CYREN: variants seen among roughly 807,000 people sequenced by gnomAD.
CYREN encodes cell cycle regulator of non-homologous end joining.
Under a neutral mutation model 9.7 loss-of-function variants are expected in CYREN, and 7 were observed. That is an observed-to-expected ratio of 0.72 (90% CI 0.41 to 1.36). The LOEUF is 1.36. CYREN is among the 40% of genes most tolerant of loss of function. The pLI is 0.01. For missense variants in CYREN, 215 were observed against 198.1 expected, an observed-to-expected ratio of 1.09 and a Z score of -0.51; for synonymous variants, 76 against 77.9, an observed-to-expected ratio of 0.98 and a Z score of 0.13.
rs141830547 is a variant in CYREN, at chr7:135,101,104, T to C, written n.357-6522A>G. 56 of 449,874 alleles carry C rather than the reference T, an allele frequency of 1.2e-4. No homozygotes were observed. In the East Asian group the frequency reaches 3.8e-3, roughly 31 times the overall value. 27.9% of individuals were successfully genotyped at this position (449,874 alleles called of 1,614,324 possible). ...TCTCCCAAAGTATGACTCAGAGTCA[T>C]AGCAAAGACCAACACAAACATTTTT... On this transcript the variant is annotated intron_variant and non_coding_transcript_variant, in intron 2 of 2. Coordinates refer to the CYREN transcript ENST00000459937.
chr7:135,097,943 A>G (rs1823161361), intron 2 of CYREN, among the ~76,000 whole-genome samples: 1 of 152,174 alleles, frequency 6.6e-6, no homozygotes, highest in African/African-American at 2.4e-5. Flanking sequence ...AGATTACCTC[A>G]GTGCTTTAAA....
chr7:135,120,035 T>G (rs1487048369), intron 2 of CYREN, among the ~76,000 whole-genome samples: 1 of 151,818 alleles, frequency 6.6e-6, no homozygotes, highest in Non-Finnish European at 1.5e-5. Flanking sequence ...CTATACCCAG[T>G]GAAAATAAGG....
chr7:135,163,342 A>T (rs1323173156), downstream of CYREN, among the ~76,000 whole-genome samples: 1 of 152,180 alleles, frequency 6.6e-6, no homozygotes, highest in African/African-American at 2.4e-5. Flanking sequence ...TTTTATTATT[A>T]TTTTTAAAAT....
intron 2 of CYREN, among the ~76,000 whole-genome samples, chr7:135,156,314 C>T (rs958285924): frequency 2.0e-5 from 3 of 152,182 alleles, no homozygotes; most frequent in Non-Finnish European, 2.9e-5. Flanking sequence ...TTTCTAATCT[C>T]TCTTCCCCCT....
chr7:135,136,919 T>A (rs150357599), intron 2 of CYREN, among the ~76,000 whole-genome samples: 211 of 152,232 alleles, frequency 1.4e-3, no homozygotes, highest in Non-Finnish European at 2.8e-3. Flanking sequence ...AAATATAAGA[T>A]GCTTTACCCA....
At chr7:135,155,419 CTT>C (rs1284032902) in intron 2 of CYREN, among the ~76,000 whole-genome samples, 7 of 152,256 alleles carry the variant, frequency 4.6e-5, no homozygotes, top group African/African-American at 1.7e-4. Flanking sequence ...GCCTTTTTGA[CTT>C]TGTGTTTTGA....
At chr7:135,167,084 C>A (rs1487943446) in intron 3 of CYREN, 15 of 985,034 alleles carry the variant, frequency 1.5e-5, no homozygotes, top group Non-Finnish European at 1.7e-5. Flanking sequence ...AGAACCCACT[C>A]GGGAGAGAAG....
At chr7:135,149,447 G>C (rs1011376854) in intron 2 of CYREN, among the ~76,000 whole-genome samples, 2 of 152,132 alleles carry the variant, frequency 1.3e-5, no homozygotes, top group African/African-American at 4.8e-5. Flanking sequence ...GGACTTTCAA[G>C]CTGCTTCCCA....
intron 2 of CYREN, among the ~76,000 whole-genome samples, chr7:135,100,541 C>A (rs1458282900): frequency 6.6e-6 from 1 of 152,138 alleles, no homozygotes; most frequent in East Asian, 1.9e-4. Context: ...TCCTCTCTTC[C>A]TTCCTGGCTT....
intron 2 of CYREN, among the ~76,000 whole-genome samples, chr7:135,144,092 A>C (rs1452689144): frequency 1.3e-5 from 2 of 152,216 alleles, no homozygotes; most frequent in African/African-American, 4.8e-5. Context: ...AATGAGGCCA[A>C]GAGGTCAGGG....
chr7:135,152,410 T>C (rs913196472), intron 2 of CYREN, among the ~76,000 whole-genome samples: 1 of 152,266 alleles, frequency 6.6e-6, no homozygotes, highest in African/African-American at 2.4e-5. Flanking sequence ...TGATTAACAA[T>C]GCAGCCTGAC....
chr7:135,115,491 T>A, intron 2 of CYREN: 1 of 1,551,378 alleles, frequency 6.4e-7, no homozygotes, highest in Non-Finnish European at 8.7e-7. Flanking sequence ...GATAAAGGAA[T>A]AGTTCAAACT....
intron 2 of CYREN, among the ~76,000 whole-genome samples, chr7:135,097,736 A>C (rs1257762649): frequency 1.3e-5 from 2 of 152,146 alleles, no homozygotes; most frequent in African/African-American, 4.8e-5. Flanking sequence ...AAATGGAAGA[A>C]GATATCCTCC....
intron 2 of CYREN, among the ~76,000 whole-genome samples, chr7:135,158,203 G>C (rs1435844760): frequency 6.6e-6 from 1 of 151,844 alleles, no homozygotes; most frequent in Admixed American, 6.6e-5. Context: ...GGCAGCATGG[G>C]CAAGAAGCTG....
chr7:135,168,866 G>A lies in CYREN; in HGVS notation c.57C>T (p.Ala19=), dbSNP rs372241560. The A allele has an allele frequency of 4.8e-5, 78 of 1,613,980 alleles. No homozygotes were observed. Among genetic ancestry groups the A allele is most frequent in the Non-Finnish European group, 6.6e-5 (78 of 1,179,924 alleles). ...GTGCCACATTCTTTGTAGCCACCTG[G>A]GCTGTCAGCCATGAGGGAAGGACCC... ...KTRVLPSWLT[A]QVATKNVAPM... The change falls in exon 2 of 4, where the codon GCC becomes GCT. Residue 19 remains alanine (A), a synonymous_variant. Transcript: ENST00000393114.
chr7:135,142,275 C>T (rs867366211), intron 2 of CYREN, among the ~76,000 whole-genome samples: 10 of 152,144 alleles, frequency 6.6e-5, no homozygotes, highest in Middle Eastern at 3.2e-3. Context: ...TCAATAAATA[C>T]ATCAAGTACA....
chr7:135,164,788 C>T, downstream of CYREN: 1 of 1,614,210 alleles, frequency 6.2e-7, no homozygotes, highest in Non-Finnish European at 8.5e-7. Flanking sequence ...TGGCGGCTGG[C>T]AGTGGGCTTC....
intron 2 of CYREN, chr7:135,128,501 A>G: frequency 4.0e-6 from 3 of 758,184 alleles, no homozygotes; most frequent in Admixed American, 1.7e-5. Flanking sequence ...AGTATTTACG[A>G]TGGAGATGAA....
intron 2 of CYREN, chr7:135,115,660 T>TA (rs1376243609): frequency 7.2e-7 from 1 of 1,385,476 alleles, no homozygotes; most frequent in Non-Finnish European, 9.7e-7. Flanking sequence ...ACATCTTTTT[T>TA]AAAAAAGCAG....
Sources: allele counts gnomAD v4.1 joint callset (sites outside exome capture counted in the v4.1 genomes callset), GRCh38; gene constraint gnomAD v4.1.1; transcripts MANE v1.5; gene names NCBI Gene and HGNC (gene_info 2026-07-23, HGNC 2026-07-21).